The following DCP1B variants were observed in gnomAD, a reference collection of about 807,000 sequenced individuals.
The protein encoded by DCP1B is decapping mRNA 1B.
In DCP1B, 47 loss-of-function variants were observed where a neutral mutation model predicts 60.5. That is an observed-to-expected ratio of 0.78 (90% CI 0.61 to 0.99). The LOEUF is 0.99. DCP1B is among the 50% of genes least tolerant of loss of function. The pLI, the probability that DCP1B is intolerant of heterozygous loss-of-function variation, is 0.00. For synonymous variants in DCP1B, 267 were observed against 280.3 expected (o/e 0.95, Z 0.47); for missense variants, 725 against 756.8 (o/e 0.96, Z 0.49).
chr12:1,957,949 G>GT (rs1303034847), intron 5 of DCP1B, among the ~76,000 whole-genome samples: 1 of 152,196 alleles, frequency 6.6e-6, no homozygotes, highest in Admixed American at 6.5e-5. Context: ...AGACTTAAGC[G>GT]TAAGGCCTGA....
intron 3 of DCP1B, among the ~76,000 whole-genome samples, chr12:1,977,033 T>C (rs1181808349): frequency 6.6e-6 from 1 of 152,222 alleles, no homozygotes; most frequent in African/African-American, 2.4e-5. Flanking sequence ...CCCTCAGTTA[T>C]CTCTGGGCAG....
chr12:1,942,462 C>A (rs571207319), downstream of DCP1B, among the ~76,000 whole-genome samples: 4 of 152,340 alleles, frequency 2.6e-5, no homozygotes, highest in South Asian at 8.3e-4. Flanking sequence ...CTACAGAACT[C>A]TTCTCTCCAA....
intron 5 of DCP1B, among the ~76,000 whole-genome samples, chr12:1,964,940 A>T (rs111974991): frequency 0.027 from 4,149 of 151,996 alleles, 95 homozygotes; most frequent in Middle Eastern, 0.055. Flanking sequence ...TTTCCCAGCT[A>T]TTCTTTCTTG....
chr12:1,957,347 T>C (rs967735819), intron 5 of DCP1B, among the ~76,000 whole-genome samples: 1 of 152,152 alleles, frequency 6.6e-6, no homozygotes, highest in Non-Finnish European at 1.5e-5. Flanking sequence ...CACAAACACA[T>C]ACATACATAA....
intron 6 of DCP1B, 106 bp from the exon 7 acceptor site, chr12:1,953,394 T>C (rs2030765227): frequency 7.9e-7 from 1 of 1,258,244 alleles, no homozygotes; most frequent in Admixed American, 3.0e-5. Flanking sequence ...TTACAAAGGA[T>C]TGATTAGAGA....
chr12:1,991,302 T>C (rs1593210145), intron 3 of DCP1B: 1 of 442,090 alleles, frequency 2.3e-6, no homozygotes, highest in East Asian at 7.0e-5. Context: ...TTAAACATGG[T>C]AAAATAAATG....
At chr12:1,967,624 A>C (rs1172085132) in intron 4 of DCP1B, among the ~76,000 whole-genome samples, 1 of 152,268 alleles carries the variant, frequency 6.6e-6, no homozygotes, top group Non-Finnish European at 1.5e-5. Flanking sequence ...CACAGGAAAA[A>C]ATGAATCATT....
chr12:2,000,668 A>G (rs984783476), intron 1 of DCP1B, among the ~76,000 whole-genome samples: 2 of 152,172 alleles, frequency 1.3e-5, no homozygotes, highest in Admixed American at 1.3e-4. Context: ...ACAACCTGGG[A>G]CCTGTAGTGG....
chr12:1,960,481 C>T (rs1189022656), intron 5 of DCP1B, among the ~76,000 whole-genome samples: 6 of 152,134 alleles, frequency 3.9e-5, no homozygotes, highest in Non-Finnish European at 5.9e-5. Flanking sequence ...ATGATGACTA[C>T]AGTTAGTACT....
At chr12:1,986,945 T>TG (rs1279849785) in intron 3 of DCP1B, among the ~76,000 whole-genome samples, 1 of 152,174 alleles carries the variant, frequency 6.6e-6, no homozygotes, top group Non-Finnish European at 1.5e-5. Flanking sequence ...CTTTTTGCTA[T>TG]GGGGGGTTAT....
intron 2 of DCP1B, among the ~76,000 whole-genome samples, chr12:1,994,967 T>C (rs112137896): frequency 0.029 from 4,131 of 140,646 alleles, 96 homozygotes; most frequent in Middle Eastern, 0.059. Flanking sequence ...GAAGAAAGCC[T>C]TCAACATTCT....
chr12:1,980,915 A>AG, intron 3 of DCP1B, among the ~76,000 whole-genome samples: 1 of 151,966 alleles, frequency 6.6e-6, no homozygotes, highest in Non-Finnish European at 1.5e-5. Flanking sequence ...ACAATATCTC[A>AG]ATAAGCATAA....
chr12:1,945,094 A>G (rs1468533194), downstream of DCP1B, among the ~76,000 whole-genome samples: 1 of 152,236 alleles, frequency 6.6e-6, no homozygotes, highest in Non-Finnish European at 1.5e-5. Context: ...CAAGAAAAAA[A>G]CAATCCCATC....
At chr12:1,966,908 C>T (rs556212225) in intron 4 of DCP1B, among the ~76,000 whole-genome samples, 1 of 152,252 alleles carries the variant, frequency 6.6e-6, no homozygotes, top group Non-Finnish European at 1.5e-5. Context: ...ATTTCATTGC[C>T]CCAGGATTTA....
chr12:1,957,985 A>G (rs1268296995), intron 5 of DCP1B, among the ~76,000 whole-genome samples: 2 of 151,822 alleles, frequency 1.3e-5, no homozygotes, highest in Non-Finnish European at 2.9e-5. Context: ...GGAAGGAAAC[A>G]GGGGAAAAGC....
chr12:1,998,165 G>T (rs189514930), intron 1 of DCP1B, among the ~76,000 whole-genome samples, 190 bp from the exon 2 acceptor site: 1 of 152,348 alleles, frequency 6.6e-6, no homozygotes, highest in Admixed American at 6.5e-5. Flanking sequence ...AGATTAGGCA[G>T]CAGGAAGCAG....
At chr12:1,985,519 C>T (rs540794772) in intron 3 of DCP1B, among the ~76,000 whole-genome samples, 43 of 152,242 alleles carry the variant, frequency 2.8e-4, no homozygotes, top group African/African-American at 9.1e-4. Flanking sequence ...TCCAGTTTTA[C>T]CTCACAGAGC....
chr12:1,947,032 T>C (rs1565758317), intron 8 of DCP1B, among the ~76,000 whole-genome samples: 1 of 152,208 alleles, frequency 6.6e-6, no homozygotes. Flanking sequence ...TCTGCTTTGT[T>C]TTGGGCATTA....
intron 2 of DCP1B, 31 bp downstream of exon 2, chr12:1,997,904 T>C: frequency 5.2e-6 from 8 of 1,552,124 alleles, no homozygotes; most frequent in Non-Finnish European, 7.1e-6. Flanking sequence ...TTTTGAAGAT[T>C]AGTTTCTTTA....
Sources: allele counts gnomAD v4.1 joint callset (sites outside exome capture counted in the v4.1 genomes callset), GRCh38; gene constraint gnomAD v4.1.1; transcripts MANE v1.5; gene names NCBI Gene and HGNC (gene_info 2026-07-23, HGNC 2026-07-21).